Variants in MYH15 observed in about 807,000 individuals in gnomAD.
The protein encoded by MYH15 is myosin heavy chain 15.
A neutral mutation model predicts 240.5 loss-of-function variants in MYH15; 227 were observed. The ratio of observed to expected loss-of-function variants is 0.94; its 90% CI spans 0.85 to 1.05. MYH15 has a LOEUF of 1.05. Among genes scored for constraint, MYH15 ranks in the 50% least tolerant of loss-of-function variants. The pLI, the probability that MYH15 is intolerant of heterozygous loss-of-function variation, is 0.00. For synonymous variants in MYH15, 785 were observed against 796.7 expected (o/e 0.99, Z 0.25); for missense variants, 2,217 against 2,247.5 (o/e 0.99, Z 0.27).
intron 11 of MYH15, among the ~76,000 whole-genome samples, chr3:108,478,432 T>G (rs1296954873): frequency 6.6e-6 from 1 of 152,212 alleles, no homozygotes; most frequent in Non-Finnish European, 1.5e-5. Flanking sequence ...AGAGCAGACA[T>G]GCCCATCCTA....
rs751781400 is a variant in MYH15, at chr3:108,486,469, A to ACTG, written c.926_928dup (p.Ala309dup). The ACTG allele has an allele frequency of 2.5e-6, 4 of 1,612,612 alleles. No individual in the cohort carries two copies. The highest frequency in any genetic ancestry group is 2.5e-6 in the Non-Finnish European group (3 of 1,178,966). ...AGCATCATCCAAGCTCTCCACAGTA[A>ACTG]CTGCTCCACAGGAGCAAAAGTGGAA... On this transcript the variant is annotated inframe_insertion, in exon 10 of 41. Coordinates refer to ENST00000693548, the MANE Select transcript of MYH15 (RefSeq NM_014981.3).
At chr3:108,399,411 G>T in intron 33 of MYH15, 144 bp from the exon 34 acceptor site, 1 of 711,596 alleles carries the variant, frequency 1.4e-6, no homozygotes, top group Non-Finnish European at 2.3e-6. Flanking sequence ...GAGTCTAAGT[G>T]CTTTTATTTT....
At chr3:108,385,830 T>C (rs923598739) in intron 38 of MYH15, among the ~76,000 whole-genome samples, 9 of 151,688 alleles carry the variant, frequency 5.9e-5, no homozygotes, top group Non-Finnish European at 1.3e-4. Flanking sequence ...CACATTCTCC[T>C]GTTTCCCCAG....
intron 35 of MYH15, among the ~76,000 whole-genome samples, chr3:108,396,686 T>G (rs1284303957): frequency 6.6e-6 from 1 of 151,524 alleles, no homozygotes; most frequent in Admixed American, 6.6e-5. Flanking sequence ...TAAACTTTCT[T>G]GAAGGAGAAA....
chr3:108,550,396 A>T, the MYH15 span: 2 of 151,556 alleles, frequency 1.3e-5, no homozygotes, highest in Non-Finnish European at 3.0e-5. Flanking sequence ...CTTATAATTA[A>T]TTATAGATGA....
chr3:108,501,099 G>T (rs2083433758), intron 3 of MYH15, among the ~76,000 whole-genome samples: 1 of 152,176 alleles, frequency 6.6e-6, no homozygotes, highest in Non-Finnish European at 1.5e-5. Context: ...GCATCCCAGG[G>T]AAACTAATAC....
chr3:108,469,939 T>C (rs949115386), intron 14 of MYH15, 103 bp downstream of exon 14: 1 of 1,153,222 alleles, frequency 8.7e-7, no homozygotes, highest in South Asian at 1.7e-5. Context: ...TCCGCCCCCA[T>C]TTCCCATCCT....
In MYH15 at chr3:108,388,986, T is replaced by C; in HGVS notation, c.5519A>G (p.Lys1840Arg). The C allele has an allele frequency of 1.2e-6, 2 of 1,613,664 alleles. No homozygotes were observed. The highest frequency in any genetic ancestry group is 1.7e-6 in the Non-Finnish European group (2 of 1,179,762). ...RGARRLERCI[K>R]ELTYQAEEDK... ...CTGGAGTACCTGATAGGTCAGCTCT[T>C]TGATGCATCGCTCAAGTCTGCGGGC... is the stretch of plus-strand genomic sequence containing the variant. The change falls in exon 38 of 41, where the codon AAA becomes AGA. Residue 1840 changes from lysine to arginine, a missense_variant. By Grantham distance (26) the Lys-to-Arg change is conservative. Transcript: ENST00000693548.
chr3:108,524,555 C>T (rs1395255544), intron 1 of MYH15, among the ~76,000 whole-genome samples: 1 of 151,796 alleles, frequency 6.6e-6, no homozygotes, highest in East Asian at 1.9e-4. Context: ...GTTAAATATG[C>T]CTATCTTTTC....
At chr3:108,397,188 T>C (rs1449570663) in intron 35 of MYH15, among the ~76,000 whole-genome samples, 1 of 152,214 alleles carries the variant, frequency 6.6e-6, no homozygotes, top group East Asian at 1.9e-4. Context: ...AGCTGCAAGA[T>C]AAAATTCAAA....
chr3:108,427,057 G>C (rs558902215), intron 27 of MYH15, among the ~76,000 whole-genome samples: 2 of 152,194 alleles, frequency 1.3e-5, no homozygotes, highest in Non-Finnish European at 2.9e-5. Context: ...TAACTTGTTT[G>C]ATTTCACAAG....
chr3:108,500,262 G>C lies in MYH15; in HGVS notation c.352C>G (p.Leu118Val). 1.2e-6 allele frequency: 2 copies of C among 1,612,116 alleles called. No homozygotes were observed. The highest frequency in any genetic ancestry group is 1.7e-6 in the Non-Finnish European group (2 of 1,179,328). The change falls in exon 4 of 41, where the codon CTC becomes GTC. Residue 118 changes from leucine to valine, a missense_variant. Physicochemically the swap from Leu to Val is conservative, Grantham distance 32 (BLOSUM62 1). Coordinates refer to ENST00000693548, the MANE Select transcript of MYH15 (RefSeq NM_014981.3). The part of the protein sequence containing the change: ...GQWMIYTYSG[L>V]FCVTINPYKW... ...TAAGGGTTTATGGTCACACAGAAGAGACCTGAATATGTCTGAGGGAAAATC... is the reference window on the plus strand; with the variant it reads ...TAAGGGTTTATGGTCACACAGAAGACACCTGAATATGTCTGAGGGAAAATC...
chr3:108,542,003 A>T, the MYH15 span, among the ~76,000 whole-genome samples: 1 of 152,144 alleles, frequency 6.6e-6, no homozygotes, highest in Non-Finnish European at 1.5e-5. Flanking sequence ...CAAAAAAATT[A>T]GTGATTCTGT....
intron 9 of MYH15, among the ~76,000 whole-genome samples, chr3:108,491,993 C>A (rs1186471869): frequency 6.6e-6 from 1 of 152,078 alleles, no homozygotes; most frequent in Non-Finnish European, 1.5e-5. Context: ...GTAATCCCAG[C>A]ACTTTGGGAG....
At chr3:108,438,626 A>G (rs1033895207) in intron 24 of MYH15, among the ~76,000 whole-genome samples, 3 of 152,146 alleles carry the variant, frequency 2.0e-5, no homozygotes, top group Non-Finnish European at 1.5e-5. Context: ...AGTCCTTATA[A>G]AAGAGATCCT....
At chr3:108,433,754 A>G (rs1300166536) in intron 25 of MYH15, among the ~76,000 whole-genome samples, 2 of 152,316 alleles carry the variant, frequency 1.3e-5, no homozygotes, top group East Asian at 3.9e-4. Flanking sequence ...GTCTTCTGCC[A>G]TGACTGTGAG....
Position 108,460,367 on chromosome 3 carries a change from G to A in MYH15, c.1865C>T (p.Ala622Val). The A allele has an allele frequency of 1.3e-6, 2 of 1,512,026 alleles. No individual in the cohort carries two copies. The highest frequency in any genetic ancestry group is 1.2e-5 in the South Asian group (1 of 80,160). 93.7% of individuals were successfully genotyped at this position (1,512,026 alleles called of 1,614,324 possible). Residue 622 changes from alanine to valine, a missense_variant and splice_region_variant, in exon 17 of 41, where the codon GCT becomes GTT. Physicochemically the swap from Ala to Val is moderately conservative, Grantham distance 64. Coordinates refer to ENST00000693548, the MANE Select transcript of MYH15 (RefSeq NM_014981.3). ...TCGTTTCTTCTCCCCAAATGGTATA[G>A]CTAGCAAAAAAAAAAAAAGAAAAAG... is the stretch of plus-strand genomic sequence containing the variant. ...LFENYMSTDS[A>V]IPFGEKKRKK...
chr3:108,430,325 T>A (rs989812374), intron 26 of MYH15, among the ~76,000 whole-genome samples: 2 of 152,202 alleles, frequency 1.3e-5, no homozygotes, highest in Non-Finnish European at 2.9e-5. Context: ...GCTATAAAAC[T>A]CACATGGTCT....
At chr3:108,496,547 T>C (rs907103203) in intron 6 of MYH15, among the ~76,000 whole-genome samples, 4 of 152,190 alleles carry the variant, frequency 2.6e-5, no homozygotes, top group East Asian at 1.9e-4. Context: ...AAATATTATA[T>C]CCCTTCTTAT....
Sources: gnomAD v4.1 joint callset for allele counts (sites outside exome capture counted in the v4.1 genomes callset) on GRCh38, gnomAD v4.1.1 for gene constraint, MANE v1.5 for transcripts, NCBI Gene and HGNC (gene_info 2026-07-23, HGNC 2026-07-21) for gene names.